Variants in TLN1 observed in about 807,000 individuals in gnomAD.
TLN1 encodes talin 1.
In TLN1, 56 loss-of-function variants were observed where a neutral mutation model predicts 292.3. That is an observed-to-expected ratio of 0.19 (90% confidence interval 0.15 to 0.24). TLN1 has a LOEUF of 0.24. Ranked by LOEUF, TLN1 falls within the 10% of genes least tolerant of loss-of-function variation. The pLI, the probability that TLN1 is intolerant of heterozygous loss-of-function variation, is 1.00. For synonymous variants in TLN1, 1,119 were observed against 1,253.7 expected (o/e 0.89, Z 2.27); for missense variants, 2,433 against 3,248.2 (o/e 0.75, Z 6.10).
intron 8 of TLN1, 80 bp downstream of exon 8, chr9:35,722,781 G>A: frequency 4.2e-6 from 6 of 1,444,926 alleles, no homozygotes; most frequent in African/African-American, 1.4e-5. Flanking sequence ...ACGGGGAGGA[G>A]GCAGGGGGCC....
Position 35,706,451 on chromosome 9 carries a change from T to C in TLN1, c.5189A>G (p.Lys1730Arg), listed in dbSNP as rs1447969386. The C allele has an allele frequency of 1.1e-5, 17 of 1,613,982 alleles. No homozygotes were observed. Among genetic ancestry groups the C allele is most frequent in the Admixed American group, 1.7e-5 (1 of 59,984 alleles). The change falls in exon 39 of 57, where the codon AAG (lysine) becomes AGG (arginine). Residue 1730 changes from lysine (K) to arginine (R), a missense_variant and splice_region_variant. Transcript: ENST00000314888. This position sits in a 1 kb window ranked among gnomAD's most constrained non-coding sequence, Gnocchi z 4.2. The part of the protein sequence containing the change: ...ARAEASQLGH[K>R]VSQMAQYFEP... ...CTTCCCATGAGTCTCCATAGGTACC[T>C]TGTGTCCCAGCTGGGAGGCTTCAGC...
At chr9:35,710,776 C>T (rs777669783) in intron 32 of TLN1, 21 bp downstream of exon 32, 4 of 1,614,068 alleles carry the variant, frequency 2.5e-6, no homozygotes, top group Admixed American at 3.3e-5. Flanking sequence ...CTCTCTCCTC[C>T]GAGTTCCTGG....
In TLN1 at chr9:35,707,120, T is replaced by C. The variant is rs1825578245; in HGVS notation, c.4907A>G (p.His1636Arg). The change falls in exon 37 of 57, where the codon CAC becomes CGC. Residue 1636 changes from histidine (H) to arginine (R), a missense_variant. This residue lies in a region of TLN1 where 1,384 missense variants were observed against 1,699.6 expected (regional missense o/e 0.81). Coordinates refer to ENST00000314888, the MANE Select transcript of TLN1 (RefSeq NM_006289.4). The surrounding 1 kb of genome is among the most constrained non-coding windows in gnomAD (Gnocchi z 5.6). ...DPPSWSVLAG[H>R]SRTVSDSIKK... Reference sequence around the variant, plus strand: ...GATGGAGTCTGAGACAGTACGGGAGTGGCCGGCCAGCACCGACCAGCTCGG... The same window carrying C: ...GATGGAGTCTGAGACAGTACGGGAGCGGCCGGCCAGCACCGACCAGCTCGG... 6.2e-7 allele frequency: 1 copy of C among 1,612,288 alleles called. No homozygotes were observed. Among genetic ancestry groups the C allele is most frequent in the East Asian group, 2.2e-5 (1 of 44,862 alleles).
At chr9:35,723,621 T>A (rs979289643) in intron 7 of TLN1, 1 of 276,176 alleles carries the variant, frequency 3.6e-6, no homozygotes, top group Non-Finnish European at 7.0e-6. Flanking sequence ...ATGAGGCTTG[T>A]GAGACTTTTA....
chr9:35,716,585 G>A (rs1422359612), intron 19 of TLN1, 29 bp from the exon 20 acceptor site: 1 of 1,607,998 alleles, frequency 6.2e-7, no homozygotes, highest in Non-Finnish European at 8.5e-7. Context: ...GTCAGGCGAG[G>A]AAGCCAGAGA....
At chr9:35,700,581 G>C (rs928807968) in intron 48 of TLN1, among the ~76,000 whole-genome samples, 1 of 152,158 alleles carries the variant, frequency 6.6e-6, no homozygotes, top group Non-Finnish European at 1.5e-5. Context: ...GTGGCTTTTG[G>C]CTGGGTTTTC....
chr9:35,722,117 A>G lies in TLN1; in HGVS notation c.948+2T>C, dbSNP rs1156481104. Reference sequence around the variant, plus strand: ...GGGCAGTGAAAAGGGCCCATAACCTACCTTCACCAGGAAGAAGGAGACACC... The same window carrying G: ...GGGCAGTGAAAAGGGCCCATAACCTGCCTTCACCAGGAAGAAGGAGACACC... On this transcript the variant is annotated splice_donor_variant, in intron 9 of 56. Coordinates refer to ENST00000314888, the MANE Select transcript of TLN1 (RefSeq NM_006289.4). LOFTEE classifies it high-confidence loss of function. 2 of 1,612,758 alleles carry G rather than the reference A, an allele frequency of 1.2e-6. No individual in the cohort carries two copies. The highest frequency in any genetic ancestry group is 1.7e-6 in the Non-Finnish European group (2 of 1,178,840).
Position 35,697,466 on chromosome 9 carries a change from G to A in TLN1, c.*325C>T. ...TGAAGAGAGCTGATGAGGCTGTGGG[G>A]ACTGGCCGGAAGCTGCTGGCAGGGT... On this transcript the variant is annotated 3_prime_UTR_variant, in exon 57 of 57. Transcript: ENST00000314888. 2.8e-6 allele frequency: 1 copy of A among 355,716 alleles called. No individual in the cohort carries two copies. The highest frequency in any genetic ancestry group is 5.2e-6 in the Non-Finnish European group (1 of 193,928). The allele number at this position is 355,716 out of a possible 1,614,324, so 22.0% of individuals were successfully genotyped here.
chr9:35,713,029 C>A lies in TLN1; in HGVS notation c.3367G>T (p.Asp1123Tyr). The change falls in exon 27 of 57, where the codon GAT (aspartate) becomes TAT (tyrosine). Residue 1123 changes from aspartate (D) to tyrosine (Y), a missense_variant. Physicochemically the swap from Asp to Tyr is radical, Grantham distance 160. This residue lies in a region of TLN1 where 1,384 missense variants were observed against 1,699.6 expected (regional missense o/e 0.81). Transcript: ENST00000314888. ...AGTGACCGCAGCCCACCTGCCACATCCCGAGCTGCAATACCTTGGGAGATG... is the reference window on the plus strand; with the variant it reads ...AGTGACCGCAGCCCACCTGCCACATACCGAGCTGCAATACCTTGGGAGATG... ...NENYAGIAAR[D>Y]VAGGLRSLAQ... 1 of 1,608,724 alleles carries A rather than the reference C, an allele frequency of 6.2e-7. No individual in the cohort carries two copies. Among genetic ancestry groups the A allele is most frequent in the Non-Finnish European group, 8.5e-7 (1 of 1,177,814 alleles).
Position 35,708,507 on chromosome 9 carries a change from G to A in TLN1, c.4327-23C>T, listed in dbSNP as rs755263814. On this transcript the variant is annotated intron_variant, in intron 33 of 56. Coordinates refer to ENST00000314888, the MANE Select transcript of TLN1 (RefSeq NM_006289.4). ...AGCCTGGGAAGAGAAAAGGGGGTGG[G>A]GGTGAGGAATAAAGATTGCAGGTGG... 6 of 1,535,882 alleles carry A rather than the reference G, an allele frequency of 3.9e-6. No homozygotes were observed. In the African/African-American group the frequency reaches 6.9e-5, roughly 18 times the overall value.
At position 35,725,308 on chromosome 9, in the gene TLN1, C is replaced by G. The variant is rs867130511; in HGVS notation, c.144G>C (p.Gly48=). Residue 48 remains glycine (G), a synonymous_variant, in exon 3 of 57, where the codon GGG becomes GGC. Coordinates refer to ENST00000314888, the MANE Select transcript of TLN1 (RefSeq NM_006289.4). ...EAPAGPPSDF[G]LFLSDDDPKK... ...TGGGGTCATCATCTGACAGAAAGAG[C>G]CCAAAGTCGCTGGCTAAAAGAGAGG... 6.2e-6 allele frequency: 10 copies of G among 1,614,108 alleles called. No homozygotes were observed. In the Middle Eastern group the frequency reaches 1.6e-3, roughly 266 times the overall value.
intron 48 of TLN1, among the ~76,000 whole-genome samples, chr9:35,702,801 C>G (rs951837412): frequency 1.3e-5 from 2 of 152,012 alleles, no homozygotes; most frequent in African/African-American, 2.4e-5. Flanking sequence ...GCGTGAGCCA[C>G]CATGCCCAGC....
Position 35,712,007 on chromosome 9 carries a change from A to T in TLN1, c.3679T>A (p.Ser1227Thr), listed in dbSNP as rs781714922. Residue 1227 changes from serine (S) to threonine (T), a missense_variant and splice_region_variant, in exon 28 of 57, where the codon TCG becomes ACG. Transcript: ENST00000314888. ...GDASKRLLSD[S>T]LPPSTGTFQE... ...CCCACCCCCTACCGTCCTCCTACCG[A>T]GTCACTCAGGAGTCGCTTGCTGGCA... 3 of 1,613,708 alleles carry T rather than the reference A, an allele frequency of 1.9e-6. No individual in the cohort carries two copies. Among genetic ancestry groups the T allele is most frequent in the East Asian group, 4.5e-5 (2 of 44,870 alleles).
chr9:35,716,683 G>A (rs770336019), intron 19 of TLN1, 127 bp from the exon 20 acceptor site: 8 of 1,001,508 alleles, frequency 8.0e-6, no homozygotes, highest in Non-Finnish European at 1.0e-5. Context: ...AAAGAGACTG[G>A]CAAAAGCTCT....
chr9:35,698,030 G>C lies in TLN1; in HGVS notation c.7500+14C>G, dbSNP rs780441279. On this transcript the variant is annotated intron_variant, in intron 56 of 56. Coordinates refer to ENST00000314888, the MANE Select transcript of TLN1 (RefSeq NM_006289.4). This position sits in a 1 kb window ranked among gnomAD's most constrained non-coding sequence, Gnocchi z 5.3. ...CTCCTGACAGCGTCCCTCAGCATCT[G>C]GGGTGAAGCTCACCTGGGCAATGCC... The C allele has an allele frequency of 6.2e-7, 1 of 1,614,110 alleles. No homozygotes were observed. The highest frequency in any genetic ancestry group is 8.5e-7 in the Non-Finnish European group (1 of 1,180,014).
intron 20 of TLN1, 43 bp downstream of exon 20, chr9:35,716,347 C>T (rs771587308): frequency 1.2e-6 from 2 of 1,609,428 alleles, no homozygotes; most frequent in Admixed American, 1.7e-5. Flanking sequence ...GCTCTACTTC[C>T]CTCTAGGGTC....
At position 35,718,888 on chromosome 9, in the gene TLN1, G is replaced by C; in HGVS notation, c.1919C>G (p.Ala640Gly). The C allele has an allele frequency of 6.2e-7, 1 of 1,613,210 alleles. No homozygotes were observed. Among genetic ancestry groups the C allele is most frequent in the Non-Finnish European group, 8.5e-7 (1 of 1,179,584 alleles). Residue 640 changes from alanine to glycine, a missense_variant, in exon 17 of 57, where the codon GCA becomes GGA. By Grantham distance (60) the Ala-to-Gly change is moderately conservative. Around this residue, in one of 7 missense-constraint regions of TLN1, gnomAD observed 617 missense variants for 770.6 expected, o/e 0.80. Transcript: ENST00000314888. ...SAEPRQNLLQAAGNVGQASGE... is the reference protein window; with the variant it reads ...SAEPRQNLLQGAGNVGQASGE... ...ACTGGCCTGGCCCACGTTCCCAGCT[G>C]CTTGCAGCAGGTTCTGACGGGGCTG...
Position 35,720,030 on chromosome 9 carries a change from G to C in TLN1, c.1464+9C>G, listed in dbSNP as rs1449844500. The C allele has an allele frequency of 6.3e-7, 1 of 1,579,276 alleles. No homozygotes were observed. Among genetic ancestry groups the C allele is most frequent in the Non-Finnish European group, 8.6e-7 (1 of 1,161,924 alleles). On this transcript the variant is annotated intron_variant, in intron 13 of 56. Coordinates refer to ENST00000314888, the MANE Select transcript of TLN1 (RefSeq NM_006289.4). ...GGCCCTGGCACCGTGGTGGAAGTGGGACACTTACCAGAGGAGGCATGTGTC... is the reference window on the plus strand; with the variant it reads ...GGCCCTGGCACCGTGGTGGAAGTGGCACACTTACCAGAGGAGGCATGTGTC...
intron 48 of TLN1, among the ~76,000 whole-genome samples, chr9:35,702,923 C>T (rs576867701): frequency 6.6e-6 from 1 of 152,222 alleles, no homozygotes; most frequent in South Asian, 2.1e-4. Context: ...AAGAAGAGGC[C>T]ACTAGTGACT....
Sources: allele counts gnomAD v4.1 joint callset (sites outside exome capture counted in the v4.1 genomes callset), GRCh38; gene constraint gnomAD v4.1.1; regional missense constraint gnomAD v4.1.1; non-coding constraint Gnocchi (gnomAD v3.1); transcripts MANE v1.5; gene names NCBI Gene and HGNC (gene_info 2026-07-23, HGNC 2026-07-21).